PLCL2: variants seen among roughly 807,000 people sequenced by gnomAD.
The protein encoded by PLCL2 is phospholipase C like 2.
PLCL2 carries 4 observed loss-of-function variants against 79.6 expected under a neutral mutation model. That is an observed-to-expected ratio of 0.05 (90% CI 0.02 to 0.11). The LOEUF is 0.11. Ranked by LOEUF, PLCL2 falls within the 10% of genes least tolerant of loss-of-function variation. PLCL2 has a pLI of 1.00. For synonymous variants in PLCL2, 484 were observed against 457.7 expected, an observed-to-expected ratio of 1.06 and a Z score of -0.73; for missense variants, 895 against 1,291.0, an observed-to-expected ratio of 0.69 and a Z score of 4.70.
intron 1 of PLCL2, among the ~76,000 whole-genome samples, chr3:16,955,707 G>A (rs1487409947): frequency 6.6e-6 from 1 of 152,098 alleles, no homozygotes; most frequent in African/African-American, 2.4e-5. Flanking sequence ...ATTTCGTTGA[G>A]CAGTGGTTTG....
intron 1 of PLCL2, among the ~76,000 whole-genome samples, chr3:16,918,722 G>T (rs1697055492): frequency 1.3e-5 from 2 of 152,162 alleles, no homozygotes; most frequent in African/African-American, 4.8e-5. Flanking sequence ...GCAAGGACTT[G>T]ACTTTGCTGG....
intron 4 of PLCL2, among the ~76,000 whole-genome samples, chr3:17,048,065 G>A (rs1020124475): frequency 8.1e-5 from 12 of 149,006 alleles, no homozygotes; most frequent in African/African-American, 3.0e-4. Flanking sequence ...TACATGACCT[G>A]GATTTAATTG....
At chr3:17,089,708 T>G in intron 5 of PLCL2, 25 bp from the exon 6 acceptor site, 1 of 1,355,948 alleles carries the variant, frequency 7.4e-7, no homozygotes, top group Non-Finnish European at 1.1e-6. Context: ...TATCTAATAC[T>G]GTTTAATTGC....
intron 1 of PLCL2, among the ~76,000 whole-genome samples, chr3:16,893,349 T>C (rs1696395394): frequency 6.6e-6 from 1 of 152,266 alleles, no homozygotes; most frequent in Non-Finnish European, 1.5e-5. Flanking sequence ...TTAGGTGGGC[T>C]TCTTCTATTA....
intron 1 of PLCL2, among the ~76,000 whole-genome samples, chr3:16,964,735 C>T: frequency 6.6e-6 from 1 of 151,936 alleles, no homozygotes; most frequent in Non-Finnish European, 1.5e-5. Flanking sequence ...GATGGTATCT[C>T]ATTGTGGTTT....
intron 1 of PLCL2, among the ~76,000 whole-genome samples, chr3:16,941,585 C>T (rs949551754): frequency 5.9e-5 from 9 of 152,128 alleles, no homozygotes; most frequent in African/African-American, 1.7e-4. Flanking sequence ...CTTTTTGCCT[C>T]GAAGCCTCAT....
At chr3:16,979,789 T>TC (rs1395707483) in intron 1 of PLCL2, among the ~76,000 whole-genome samples, 1 of 148,026 alleles carries the variant, frequency 6.8e-6, no homozygotes. Flanking sequence ...TCCCCACCTT[T>TC]CCCCCCTTTC....
At chr3:16,970,832 ATG>A (rs2063854841) in intron 1 of PLCL2, among the ~76,000 whole-genome samples, 1 of 148,480 alleles carries the variant, frequency 6.7e-6, no homozygotes, top group South Asian at 2.1e-4. Flanking sequence ...GCATTTTTTC[ATG>A]TGTCTTTTGG....
chr3:16,998,554 A>C (rs981520108), intron 1 of PLCL2, among the ~76,000 whole-genome samples: 1 of 152,232 alleles, frequency 6.6e-6, no homozygotes, highest in African/African-American at 2.4e-5. Context: ...CATTATTTTC[A>C]CTAGAATCTA....
chr3:16,907,815 G>A (rs1696785474), intron 1 of PLCL2, among the ~76,000 whole-genome samples: 2 of 152,110 alleles, frequency 1.3e-5, no homozygotes, highest in South Asian at 2.1e-4. Flanking sequence ...TTGTGCCCTT[G>A]AAGTAGAATT....
At chr3:17,036,273 C>CTTTCA (rs1367129241) in intron 3 of PLCL2, among the ~76,000 whole-genome samples, 2 of 152,174 alleles carry the variant, frequency 1.3e-5, no homozygotes, top group Non-Finnish European at 2.9e-5. Context: ...CAGCAATAAT[C>CTTTCA]TTTCAGTATT....
At chr3:16,969,055 T>C (rs1192835753) in intron 1 of PLCL2, among the ~76,000 whole-genome samples, 1 of 152,134 alleles carries the variant, frequency 6.6e-6, no homozygotes, top group Non-Finnish European at 1.5e-5. Flanking sequence ...TACTGATTTG[T>C]GTATGTTGAA....
chr3:16,904,317 A>AAAAAAAAAAAAAG (rs1696701162), intron 1 of PLCL2, among the ~76,000 whole-genome samples: 1 of 151,132 alleles, frequency 6.6e-6, no homozygotes, highest in African/African-American at 2.4e-5. Flanking sequence ...AAAAAAAAAA[A>AAAAAAAAAAAAAG]GCAAACTTTG....
chr3:16,922,058 G>C (rs1441611274), intron 1 of PLCL2, among the ~76,000 whole-genome samples: 1 of 152,122 alleles, frequency 6.6e-6, no homozygotes. Flanking sequence ...ATCTATGTCA[G>C]GGTAGGAGGA....
intron 1 of PLCL2, among the ~76,000 whole-genome samples, chr3:16,923,125 G>A (rs1697161447): frequency 6.6e-6 from 1 of 152,218 alleles, no homozygotes; most frequent in South Asian, 2.1e-4. Flanking sequence ...TGTGATTTGT[G>A]TTGGAATACC....
intron 1 of PLCL2, among the ~76,000 whole-genome samples, chr3:16,953,386 TTAAATC>T (rs1483332195): frequency 2.0e-5 from 3 of 152,136 alleles, no homozygotes; most frequent in Non-Finnish European, 2.9e-5. Flanking sequence ...TTAATAAAAA[TTAAATC>T]TAAAAGGTAG....
chr3:16,985,011 T>C (rs2064034626), intron 1 of PLCL2, among the ~76,000 whole-genome samples: 1 of 152,140 alleles, frequency 6.6e-6, no homozygotes. Flanking sequence ...AAGATAACTG[T>C]TTTCATGAAG....
chr3:17,020,126 A>T (rs1175023749), intron 3 of PLCL2, among the ~76,000 whole-genome samples: 1 of 152,210 alleles, frequency 6.6e-6, no homozygotes, highest in Non-Finnish European at 1.5e-5. Flanking sequence ...TCTTTATTAG[A>T]TGCAGATTTA....
At chr3:16,993,476 G>A (rs2064124175) in intron 1 of PLCL2, among the ~76,000 whole-genome samples, 2 of 152,134 alleles carry the variant, frequency 1.3e-5, no homozygotes, top group South Asian at 4.1e-4. Flanking sequence ...TCAGTATAGA[G>A]TTGCGTAATG....
Sources: gnomAD v4.1 joint callset for allele counts (sites outside exome capture counted in the v4.1 genomes callset) on GRCh38, gnomAD v4.1.1 for gene constraint, MANE v1.5 for transcripts, NCBI Gene and HGNC (gene_info 2026-07-23, HGNC 2026-07-21) for gene names.